The following FRMD4A variants were observed in gnomAD, a reference collection of about 807,000 sequenced individuals.
FRMD4A encodes FERM domain containing 4A.
FRMD4A carries 29 observed loss-of-function variants against 129.1 expected under a neutral mutation model. The ratio of observed to expected loss-of-function variants is 0.22; its 90% CI spans 0.17 to 0.31. The LOEUF (loss-of-function observed/expected upper bound fraction) is 0.31, where lower values mean the gene tolerates loss of function less well. FRMD4A is among the 10% of genes least tolerant of loss of function. The probability of loss-of-function intolerance (pLI) is 1.00; values close to 1 mark genes in which losing one functional copy is unlikely to be tolerated. For missense variants in FRMD4A, 1,272 were observed against 1,375.8 expected, an observed-to-expected ratio of 0.92 and a Z score of 1.19; for synonymous variants, 634 against 571.6, an observed-to-expected ratio of 1.11 and a Z score of -1.56.
chr10:13,742,923 C>T (rs1406046018), intron 9 of FRMD4A, among the ~76,000 whole-genome samples: 2 of 152,216 alleles, frequency 1.3e-5, no homozygotes, highest in Non-Finnish European at 2.9e-5. Flanking sequence ...AGGTTCTACA[C>T]ATTCATCACC....
chr10:13,832,507 T>G (rs1490651301), intron 3 of FRMD4A, among the ~76,000 whole-genome samples: 1 of 152,220 alleles, frequency 6.6e-6, no homozygotes, highest in African/African-American at 2.4e-5. Flanking sequence ...CCCTCGGGAT[T>G]CCGACTTGAT....
rs962131329 is a variant in FRMD4A, at chr10:13,742,146, G to A, written c.549-1569C>T. Among the ~76,000 whole-genome samples the A allele has an allele frequency of 4.6e-5, 7 of 152,160 alleles. No homozygotes were observed. In the South Asian group the frequency reaches 6.2e-4, roughly 14 times the overall value. On this transcript the variant is annotated intron_variant, in intron 9 of 24. Transcript: ENST00000357447. ...GCTGGGATTACAGGCGTGAGCCACC[G>A]CGCCCAGCTGAAATCCTAGTTCTAA...
intron 2 of FRMD4A, among the ~76,000 whole-genome samples, chr10:13,907,328 T>C (rs2094892137): frequency 6.6e-6 from 1 of 152,200 alleles, no homozygotes; most frequent in African/African-American, 2.4e-5. Flanking sequence ...GTGCATATTA[T>C]GTACATTATC....
chr10:14,110,127 A>G (rs1297816110), intron 2 of FRMD4A, among the ~76,000 whole-genome samples: 2 of 146,912 alleles, frequency 1.4e-5, no homozygotes, highest in Non-Finnish European at 3.0e-5. Context: ...AGATGCTGTA[A>G]AAAAAAAAAA....
chr10:14,171,417 C>T (rs1829436121), intron 2 of FRMD4A, among the ~76,000 whole-genome samples: 1 of 152,162 alleles, frequency 6.6e-6, no homozygotes, highest in African/African-American at 2.4e-5. Context: ...CAAAGCTGTG[C>T]AATGGCTGTG....
At chr10:13,693,744 G>A (rs773490881) in intron 15 of FRMD4A, 154 bp downstream of exon 15, 12 of 803,736 alleles carry the variant, frequency 1.5e-5, no homozygotes, top group Admixed American at 4.1e-5. Flanking sequence ...TCTCAGATTC[G>A]CATTTGGATC....
intron 2 of FRMD4A, among the ~76,000 whole-genome samples, chr10:14,014,045 T>C (rs1199115268): frequency 2.0e-5 from 3 of 152,074 alleles, no homozygotes; most frequent in Admixed American, 6.5e-5. Flanking sequence ...CCTGGACGGG[T>C]GAAGACAGCG....
chr10:14,021,604 G>T (rs1377353319), intron 2 of FRMD4A, among the ~76,000 whole-genome samples: 1 of 151,878 alleles, frequency 6.6e-6, no homozygotes, highest in South Asian at 2.1e-4. Context: ...AATAAAAACT[G>T]GGGGAGGGTT....
intron 2 of FRMD4A, among the ~76,000 whole-genome samples, chr10:14,264,983 C>A (rs1412738863): frequency 3.3e-5 from 5 of 152,156 alleles, no homozygotes; most frequent in Non-Finnish European, 7.3e-5. Context: ...GGGGTTTCAC[C>A]ATATTGGCCA....
intron 2 of FRMD4A, among the ~76,000 whole-genome samples, chr10:14,221,161 G>A (rs1843247219): frequency 6.6e-6 from 1 of 152,184 alleles, no homozygotes; most frequent in African/African-American, 2.4e-5. Flanking sequence ...CCTTGATGGG[G>A]CAAAGCAGAA....
Position 14,029,521 on chromosome 10 carries a change from T to A in FRMD4A, c.46-170609A>T, listed in dbSNP as rs142806527. ...AAGCCCAAAGCAGTAGGCAATTGCA[T>A]ATACAAAATGTGTTCCTTGAACCAT... On this transcript the variant is annotated intron_variant, in intron 2 of 24. Transcript: ENST00000357447. Among the ~76,000 whole-genome samples the A allele has an allele frequency of 4.3e-3, 660 of 152,320 alleles. 4 individuals carry two copies. Among genetic ancestry groups the A allele is most frequent in the Middle Eastern group, 0.01 (3 of 294 alleles).
intron 2 of FRMD4A, among the ~76,000 whole-genome samples, chr10:13,873,305 T>G (rs2094458172): frequency 6.7e-6 from 1 of 149,016 alleles, no homozygotes; most frequent in Non-Finnish European, 1.5e-5. Flanking sequence ...TCTCTGGATC[T>G]AAAAAAATAT....
chr10:14,294,844 T>C (rs1845959558), intron 2 of FRMD4A, among the ~76,000 whole-genome samples: 1 of 152,150 alleles, frequency 6.6e-6, no homozygotes, highest in Non-Finnish European at 1.5e-5. Context: ...GTGAGGAGCG[T>C]GTCTATTATT....
chr10:14,002,834 G>A (rs2095647197), intron 2 of FRMD4A, among the ~76,000 whole-genome samples: 1 of 152,312 alleles, frequency 6.6e-6, no homozygotes, highest in South Asian at 2.1e-4. Context: ...GGGGTGGAGG[G>A]AGGAGGCAGA....
At chr10:13,942,031 C>G (rs895289907) in intron 2 of FRMD4A, among the ~76,000 whole-genome samples, 4 of 152,178 alleles carry the variant, frequency 2.6e-5, no homozygotes, top group Non-Finnish European at 5.9e-5. Flanking sequence ...TCCAGCTACC[C>G]TCCTTGGTGT....
intron 2 of FRMD4A, among the ~76,000 whole-genome samples, chr10:13,981,738 CAAAAAAAAAAAAAA>C (rs55829400): frequency 1.3e-3 from 127 of 97,662 alleles, no homozygotes; most frequent in South Asian, 6.7e-3. Flanking sequence ...GACTCCGTGT[CAAAAAAAAAAAAAA>C]AAAAAAAAAA....
At chr10:13,696,675 C>T (rs545399980) in intron 14 of FRMD4A, among the ~76,000 whole-genome samples, 2 of 152,194 alleles carry the variant, frequency 1.3e-5, no homozygotes, top group African/African-American at 2.4e-5. Context: ...ACCCGGGAGG[C>T]GGAGGTTGCA....
chr10:13,917,064 T>C (rs1034521426), intron 2 of FRMD4A, among the ~76,000 whole-genome samples: 10 of 152,178 alleles, frequency 6.6e-5, no homozygotes, highest in African/African-American at 2.4e-4. Context: ...AGTTTCAATA[T>C]AGCAGGGATG....
chr10:14,150,137 G>T (rs942423857), intron 2 of FRMD4A, among the ~76,000 whole-genome samples: 1 of 152,152 alleles, frequency 6.6e-6, no homozygotes, highest in African/African-American at 2.4e-5. Flanking sequence ...CCATCCCCAT[G>T]ATCCAATCAC....
Sources: gnomAD v4.1 joint callset for allele counts (sites outside exome capture counted in the v4.1 genomes callset) on GRCh38, gnomAD v4.1.1 for gene constraint, MANE v1.5 for transcripts, NCBI Gene and HGNC (gene_info 2026-07-23, HGNC 2026-07-21) for gene names.